The following FCRL2 variants were observed in gnomAD, a reference collection of about 807,000 sequenced individuals.
FCRL2 encodes Fc receptor like 2, also known as Fc receptor-like protein 2.
Under a neutral mutation model 59.8 loss-of-function variants are expected in FCRL2, and 48 were observed. The ratio of observed to expected loss-of-function variants is 0.80; its 90% CI spans 0.64 to 1.02. The LOEUF is 1.02. Ranked by LOEUF, FCRL2 falls within the 50% of genes least tolerant of loss-of-function variation. The pLI, the probability that FCRL2 is intolerant of heterozygous loss-of-function variation, is 0.00. For synonymous variants in FCRL2, 251 were observed against 229.5 expected (o/e 1.09, Z -0.85); for missense variants, 658 against 597.3 (o/e 1.10, Z -1.06).
At chr1:157,773,939 TA>T (rs1325565130) in intron 2 of FCRL2, among the ~76,000 whole-genome samples, 1 of 151,962 alleles carries the variant, frequency 6.6e-6, no homozygotes, top group Non-Finnish European at 1.5e-5. Flanking sequence ...GGGACAGTGG[TA>T]GGGGGCAGGG....
chr1:157,757,079 G>C (rs112485489), intron 7 of FCRL2, among the ~76,000 whole-genome samples: 2 of 152,174 alleles, frequency 1.3e-5, no homozygotes, highest in Non-Finnish European at 2.9e-5. Context: ...TCTGTCATTT[G>C]TCAGCAAAGA....
At position 157,746,688 on chromosome 1, in the gene FCRL2, T is replaced by C; in HGVS notation, c.*48A>G. The C allele has an allele frequency of 6.3e-7, 1 of 1,579,624 alleles. No homozygotes were observed. The highest frequency in any genetic ancestry group is 2.2e-5 in the East Asian group (1 of 44,680). On this transcript the variant is annotated 3_prime_UTR_variant, in exon 12 of 12. Transcript: ENST00000361516. ...CATAAGGTTTTATAGCAAGTCTTAA[T>C]GATGCCCCATCCTTGCTGTTGATCT...
intron 2 of FCRL2, among the ~76,000 whole-genome samples, chr1:157,771,653 G>A (rs1286809413): frequency 6.6e-6 from 1 of 152,084 alleles, no homozygotes; most frequent in Non-Finnish European, 1.5e-5. Flanking sequence ...ATTGGTCACA[G>A]GTTCTCTAAT....
At chr1:157,762,458 G>T (rs1272216243) in intron 7 of FCRL2, among the ~76,000 whole-genome samples, 1 of 152,100 alleles carries the variant, frequency 6.6e-6, no homozygotes, top group African/African-American at 2.4e-5. Flanking sequence ...GAATACTTTT[G>T]GAAAAGTATT....
intron 5 of FCRL2, 88 bp downstream of exon 5, chr1:157,768,325 TG>T: frequency 7.2e-7 from 1 of 1,395,918 alleles, no homozygotes; most frequent in Non-Finnish European, 9.9e-7. Context: ...CACTAATCCC[TG>T]GGGCCTCCTG....
intron 2 of FCRL2, 141 bp from the exon 3 acceptor site, chr1:157,770,807 A>C (rs1240817168): frequency 7.8e-6 from 7 of 899,002 alleles, no homozygotes; most frequent in Non-Finnish European, 1.2e-5. Flanking sequence ...AATTACTGAG[A>C]GTTTCATCCC....
chr1:157,759,236 G>A (rs1227536389), intron 7 of FCRL2, among the ~76,000 whole-genome samples: 2 of 152,070 alleles, frequency 1.3e-5, no homozygotes, highest in East Asian at 3.9e-4. Flanking sequence ...GTTTCCTGAG[G>A]CCTTCTCAGT....
At chr1:157,776,893 C>G in intron 1 of FCRL2, 150 bp downstream of exon 1, 1 of 732,356 alleles carries the variant, frequency 1.4e-6, no homozygotes, top group Non-Finnish European at 2.4e-6. Context: ...CCTCAGCCTA[C>G]TTCTTTGCAT....
chr1:157,751,898 C>A (rs991966862), intron 7 of FCRL2, among the ~76,000 whole-genome samples: 1 of 151,030 alleles, frequency 6.6e-6, no homozygotes, highest in African/African-American at 2.5e-5. Flanking sequence ...CTCAACCGAG[C>A]AAACCTGGAG....
intron 7 of FCRL2, among the ~76,000 whole-genome samples, chr1:157,752,200 G>A (rs1217052530): frequency 6.6e-6 from 1 of 152,158 alleles, no homozygotes; most frequent in Non-Finnish European, 1.5e-5. Context: ...ATCTCATCTG[G>A]AATTCCCACA....
chr1:157,754,077 C>G (rs1263014493), intron 7 of FCRL2, among the ~76,000 whole-genome samples: 2 of 146,538 alleles, frequency 1.4e-5, no homozygotes, highest in Admixed American at 6.9e-5. Context: ...CTGGATGTGT[C>G]ACAGGTATTT....
chr1:157,769,829 T>C, intron 4 of FCRL2, 37 bp downstream of exon 4: 1 of 1,599,338 alleles, frequency 6.3e-7, no homozygotes, highest in Non-Finnish European at 8.5e-7. Flanking sequence ...AACACTCCTA[T>C]CTTTTTTTCT....
chr1:157,758,355 C>T (rs1418173385), intron 7 of FCRL2, among the ~76,000 whole-genome samples: 2 of 152,058 alleles, frequency 1.3e-5, no homozygotes, highest in East Asian at 3.9e-4. Context: ...AATAAAACTT[C>T]CATTGAACTT....
At chr1:157,752,065 G>A (rs1025189533) in intron 7 of FCRL2, among the ~76,000 whole-genome samples, 4 of 152,228 alleles carry the variant, frequency 2.6e-5, no homozygotes, top group African/African-American at 9.6e-5. Flanking sequence ...TGGGAGGTGA[G>A]TGCTTTAACT....
intron 9 of FCRL2, 58 bp from the exon 10 acceptor site, chr1:157,748,676 C>T (rs555509490): frequency 1.4e-6 from 2 of 1,426,908 alleles, no homozygotes; most frequent in African/African-American, 1.4e-5. Context: ...ACACTTCATA[C>T]ACAGCTTCCC....
At chr1:157,773,374 A>G (rs942950772) in intron 2 of FCRL2, among the ~76,000 whole-genome samples, 3 of 152,228 alleles carry the variant, frequency 2.0e-5, no homozygotes, top group Admixed American at 1.3e-4. Context: ...TTTGTAGCAG[A>G]AGCTAATGAT....
chr1:157,775,832 C>A, intron 1 of FCRL2, 37 bp from the exon 2 acceptor site: 1 of 1,608,850 alleles, frequency 6.2e-7, no homozygotes, highest in Non-Finnish European at 8.5e-7. Context: ...TAGCACACAG[C>A]ATTTGCCCTC....
intron 7 of FCRL2, chr1:157,766,628 A>G: frequency 3.5e-6 from 2 of 568,050 alleles, no homozygotes; most frequent in Non-Finnish European, 5.8e-6. Context: ...GAATGTGTAA[A>G]TAATTTAATC....
At position 157,769,960 on chromosome 1, in the gene FCRL2, C is replaced by T. The variant is rs1397596498; in HGVS notation, c.501G>A (p.Val167=). Residue 167 remains valine, a synonymous_variant, in exon 4 of 12, where the codon GTG becomes GTA. Coordinates refer to ENST00000361516, the MANE Select transcript of FCRL2 (RefSeq NM_030764.4). ...AGTAAGACCCTGTGTCTTCACTCCA[C>T]ACGGCAGAAATCTGGAGCTCCGGAG... ...SSSPELQISA[V]WSEDTGSYWC... is the part of the protein sequence containing the mutation. 3 of 1,614,100 alleles carry T rather than the reference C, an allele frequency of 1.9e-6. No individual in the cohort carries two copies. The highest frequency in any genetic ancestry group is 2.5e-6 in the Non-Finnish European group (3 of 1,180,042).
Sources: gnomAD v4.1 joint callset for allele counts (sites outside exome capture counted in the v4.1 genomes callset) on GRCh38, gnomAD v4.1.1 for gene constraint, MANE v1.5 for transcripts, NCBI Gene and HGNC (gene_info 2026-07-23, HGNC 2026-07-21) for gene names.